KCNMA1: variants seen among roughly 807,000 people sequenced by gnomAD.
KCNMA1 encodes Calcium-activated potassium channel subunit alpha-1.
KCNMA1 carries 29 observed loss-of-function variants against 140.0 expected under a neutral mutation model. That is an observed-to-expected ratio of 0.21 (90% CI 0.15 to 0.28). The LOEUF (loss-of-function observed/expected upper bound fraction) is 0.28, where lower values mean the gene tolerates loss of function less well. Among genes scored for constraint, KCNMA1 ranks in the 10% least tolerant of loss-of-function variants. The pLI is 1.00. For synonymous variants in KCNMA1, 612 were observed against 611.9 expected (o/e 1.00, Z 0.00); for missense variants, 880 against 1,602.2 (o/e 0.55, Z 7.70).
chr10:77,444,730 G>A (rs928628891), intron 1 of KCNMA1, among the ~76,000 whole-genome samples: 2 of 152,116 alleles, frequency 1.3e-5, no homozygotes, highest in African/African-American at 4.8e-5. Context: ...AAAGACTTGA[G>A]GACCACCAGC....
At chr10:76,983,896 T>TA (rs970751779) in intron 19 of KCNMA1, among the ~76,000 whole-genome samples, 71 of 151,962 alleles carry the variant, frequency 4.7e-4, no homozygotes, top group African/African-American at 7.0e-4. Flanking sequence ...CCGCAGACCA[T>TA]AAAAAAAACA....
At chr10:77,636,548 G>C in intron 1 of KCNMA1, 4 of 1,536,162 alleles carry the variant, frequency 2.6e-6, no homozygotes, top group South Asian at 1.2e-5. Context: ...CGAAGAACTT[G>C]GGGTATGTTC....
intron 2 of KCNMA1, among the ~76,000 whole-genome samples, chr10:77,375,315 G>A (rs932687369): frequency 3.3e-5 from 5 of 152,294 alleles, no homozygotes; most frequent in East Asian, 1.9e-4. Flanking sequence ...TGCCTTCAGA[G>A]TCCGACCTAA....
At chr10:76,983,436 A>C (rs2080184022) in intron 19 of KCNMA1, among the ~76,000 whole-genome samples, 1 of 152,164 alleles carries the variant, frequency 6.6e-6, no homozygotes, top group Non-Finnish European at 1.5e-5. Flanking sequence ...GATAGGTAGA[A>C]ATTTAATAAT....
At chr10:77,484,837 G>A (rs1402392036) in intron 1 of KCNMA1, among the ~76,000 whole-genome samples, 1 of 152,202 alleles carries the variant, frequency 6.6e-6, no homozygotes, top group African/African-American at 2.4e-5. Flanking sequence ...GAGAACCTCT[G>A]CTCTGTCTAG....
rs370279587 is a variant in KCNMA1, at chr10:77,363,759, G to A, written c.540+40103C>T. On this transcript the variant is annotated intron_variant, in intron 2 of 27. Coordinates refer to ENST00000286628, the MANE Select transcript of KCNMA1 (RefSeq NM_001161352.2). ...TGTAGTGAGACATACACTCCTCCCCGTCTTTGTCCAGTTAATTCCTGCTCC... is the reference window on the plus strand; with the variant it reads ...TGTAGTGAGACATACACTCCTCCCCATCTTTGTCCAGTTAATTCCTGCTCC... Among the ~76,000 whole-genome samples, 8 of 152,064 alleles carry A rather than the reference G, an allele frequency of 5.3e-5. 1 individual carries two copies. In the Middle Eastern group the frequency reaches 0.014, roughly 259 times the overall value.
intron 25 of KCNMA1, among the ~76,000 whole-genome samples, chr10:76,900,338 TGGGGACTTCCAGA>T (rs1345281387): frequency 2.0e-5 from 3 of 152,068 alleles, no homozygotes; most frequent in Admixed American, 6.5e-5. Flanking sequence ...TGCTCTGATT[TGGGGACTTCCAGA>T]GGGAAAAATA....
At chr10:77,277,722 C>T (rs990568493) in intron 2 of KCNMA1, among the ~76,000 whole-genome samples, 1 of 152,332 alleles carries the variant, frequency 6.6e-6, no homozygotes, top group South Asian at 2.1e-4. Flanking sequence ...CTGCCCCAAC[C>T]TGGATGCAAA....
chr10:77,467,651 T>C (rs1216562325), intron 1 of KCNMA1, among the ~76,000 whole-genome samples: 1 of 152,222 alleles, frequency 6.6e-6, no homozygotes, highest in Non-Finnish European at 1.5e-5. Context: ...TCAAGGTTAG[T>C]TCCCAAGTTT....
chr10:77,148,228 C>T (rs1259915632), intron 5 of KCNMA1: 2 of 152,140 alleles, frequency 1.3e-5, no homozygotes, highest in Non-Finnish European at 2.9e-5. Flanking sequence ...ACTGAGAAAA[C>T]CTATAAAGCC....
At chr10:77,545,984 A>G (rs2061387298) in intron 1 of KCNMA1, among the ~76,000 whole-genome samples, 1 of 151,044 alleles carries the variant, frequency 6.6e-6, no homozygotes, top group Non-Finnish European at 1.5e-5. Context: ...ACGGCTCTTC[A>G]CTCCCTCCCT....
chr10:77,299,707 G>A (rs1374984781), intron 2 of KCNMA1, among the ~76,000 whole-genome samples: 1 of 152,184 alleles, frequency 6.6e-6, no homozygotes, highest in Non-Finnish European at 1.5e-5. Context: ...CCGAGGGTCT[G>A]GAAATCAGAA....
chr10:77,000,468 C>A (rs1223835446), intron 19 of KCNMA1, among the ~76,000 whole-genome samples: 3 of 152,114 alleles, frequency 2.0e-5, no homozygotes, highest in East Asian at 3.9e-4. Context: ...TCTCAGGAAA[C>A]TGGCACATCT....
intron 1 of KCNMA1, among the ~76,000 whole-genome samples, chr10:77,577,000 AAAGAATGGAG>A (rs1263959264): frequency 6.6e-6 from 1 of 152,198 alleles, no homozygotes; most frequent in African/African-American, 2.4e-5. Flanking sequence ...GTTTAACAGG[AAAGAATGGAG>A]AAGAATGGAG....
chr10:77,033,956 G>T (rs2094136429), intron 15 of KCNMA1, among the ~76,000 whole-genome samples: 1 of 152,072 alleles, frequency 6.6e-6, no homozygotes, highest in Admixed American at 6.6e-5. Context: ...TAAAAAATGA[G>T]ATCTGCCAGG....
chr10:77,134,478 T>TA (rs1225173003), intron 5 of KCNMA1, among the ~76,000 whole-genome samples: 7 of 151,676 alleles, frequency 4.6e-5, no homozygotes, highest in African/African-American at 9.7e-5. Flanking sequence ...TTGGTTCAAA[T>TA]AAAAAAAATG....
chr10:77,025,216 T>C (rs1190240330), intron 16 of KCNMA1, among the ~76,000 whole-genome samples: 1 of 129,992 alleles, frequency 7.7e-6, no homozygotes, highest in Non-Finnish European at 1.6e-5. Flanking sequence ...CCAATTTATG[T>C]ACTCTAGTTG....
chr10:77,087,407 ACT>A lies in KCNMA1; in HGVS notation c.1335-816_1335-815del, dbSNP rs563207015. ...ATATTGATATATATATTTCCTATTG[ACT>A]CTGTTTCACTGGAGAGCCCTGACTA... is the stretch of plus-strand genomic sequence containing the variant. On this transcript the variant is annotated intron_variant, in intron 10 of 27. Coordinates refer to ENST00000286628, the MANE Select transcript of KCNMA1 (RefSeq NM_001161352.2). Among the ~76,000 whole-genome samples the A allele has an allele frequency of 2.1e-4, 32 of 152,158 alleles. No individual in the cohort carries two copies. In the South Asian group the frequency reaches 6.4e-3, roughly 31 times the overall value.
At chr10:77,339,321 C>A (rs1297354775) in intron 2 of KCNMA1, among the ~76,000 whole-genome samples, 1 of 152,160 alleles carries the variant, frequency 6.6e-6, no homozygotes, top group African/African-American at 2.4e-5. Flanking sequence ...TCTCCCTCCT[C>A]CACCGCCTTC....
Sources: allele counts gnomAD v4.1 joint callset (sites outside exome capture counted in the v4.1 genomes callset), GRCh38; gene constraint gnomAD v4.1.1; transcripts MANE v1.5; gene names NCBI Gene and HGNC (gene_info 2026-07-23, HGNC 2026-07-21).